DSCAML1: variants seen among roughly 807,000 people sequenced by gnomAD.
The protein encoded by DSCAML1 is DS cell adhesion molecule like 1.
In DSCAML1, 38 loss-of-function variants were observed where a neutral mutation model predicts 200.5. That is an observed-to-expected ratio of 0.19 (90% CI 0.15 to 0.25). DSCAML1 has a LOEUF of 0.25. Among genes scored for constraint, DSCAML1 ranks in the 10% least tolerant of loss-of-function variants. DSCAML1 has a pLI of 1.00. For missense variants in DSCAML1, 2,223 were observed against 2,858.8 expected (o/e 0.78, Z 5.07); for synonymous variants, 1,215 against 1,165.0 (o/e 1.04, Z -0.87).
chr11:117,622,048 T>C (rs185608692), intron 3 of DSCAML1, among the ~76,000 whole-genome samples: 133 of 152,354 alleles, frequency 8.7e-4, no homozygotes, highest in African/African-American at 3.0e-3. Flanking sequence ...AGTCCATGTT[T>C]GCTGGATGAA....
intron 3 of DSCAML1, among the ~76,000 whole-genome samples, chr11:117,656,273 C>A (rs1230113335): frequency 6.6e-6 from 1 of 152,214 alleles, no homozygotes; most frequent in Non-Finnish European, 1.5e-5. Context: ...AGCACCGGAT[C>A]TGGAGTCAGA....
chr11:117,451,172 TG>T lies in DSCAML1; in HGVS notation c.3569-485del, dbSNP rs201479130. Among the ~76,000 whole-genome samples the T allele has an allele frequency of 1.4e-3, 212 of 152,346 alleles. 4 individuals are homozygous for T. The East Asian group carries it at 0.039, about 28-fold the overall frequency. ...AGGGCATTGCCCTTGGAGTGCTGGC[TG>T]GGCCCTTTCTGGAAGAAAGTCTACC... On this transcript the variant is annotated intron_variant, in intron 19 of 32. Coordinates refer to ENST00000651296, the MANE Select transcript of DSCAML1 (RefSeq NM_020693.4).
chr11:117,661,435 C>T (rs1449715228), intron 3 of DSCAML1, among the ~76,000 whole-genome samples: 2 of 152,242 alleles, frequency 1.3e-5, no homozygotes, highest in African/African-American at 2.4e-5. Context: ...GTTTTGCATT[C>T]ACTCTACTCA....
chr11:117,439,051 C>A, intron 23 of DSCAML1, 68 bp from the exon 24 acceptor site: 1 of 1,466,480 alleles, frequency 6.8e-7, no homozygotes, highest in Admixed American at 2.3e-5. Flanking sequence ...GGGAGTCCCC[C>A]CGTGACGGGA....
At chr11:117,494,761 C>T (rs1051450163) in intron 11 of DSCAML1, among the ~76,000 whole-genome samples, 21 of 152,180 alleles carry the variant, frequency 1.4e-4, no homozygotes, top group African/African-American at 3.4e-4. Flanking sequence ...CCTCATAAGA[C>T]GAGAAGAGAC....
chr11:117,623,305 ATCTCAGGTTCAAGTGAT>A (rs2051977517), intron 3 of DSCAML1, among the ~76,000 whole-genome samples: 1 of 144,104 alleles, frequency 6.9e-6, no homozygotes, highest in Non-Finnish European at 1.5e-5. Flanking sequence ...CAACCTCCAC[ATCTCAGGTTCAAGTGAT>A]TCTCCTGTCT....
intron 3 of DSCAML1, among the ~76,000 whole-genome samples, chr11:117,730,000 A>G (rs1245263543): frequency 6.6e-6 from 1 of 152,232 alleles, no homozygotes; most frequent in Non-Finnish European, 1.5e-5. Context: ...AGAGATTGAG[A>G]CCATCCTGGC....
chr11:117,726,378 T>G (rs1040274740), intron 3 of DSCAML1, among the ~76,000 whole-genome samples: 4 of 152,028 alleles, frequency 2.6e-5, no homozygotes, highest in Non-Finnish European at 4.4e-5. Context: ...GACATCACCT[T>G]GGGGCAATTT....
chr11:117,494,159 T>C (rs111252031), intron 11 of DSCAML1, among the ~76,000 whole-genome samples: 86 of 152,320 alleles, frequency 5.6e-4, no homozygotes, highest in African/African-American at 2.0e-3. Context: ...CAGAAGGAGA[T>C]GCCATCTTCC....
At chr11:117,736,911 T>C (rs1042594698) in intron 3 of DSCAML1, among the ~76,000 whole-genome samples, 1 of 152,206 alleles carries the variant, frequency 6.6e-6, no homozygotes, top group African/African-American at 2.4e-5. Flanking sequence ...TTCTTTCTCA[T>C]CCTTCGGCTC....
intron 2 of DSCAML1, among the ~76,000 whole-genome samples, chr11:117,778,301 G>C (rs780103719): frequency 6.6e-5 from 10 of 152,228 alleles, no homozygotes; most frequent in Non-Finnish European, 1.0e-4. Context: ...ATATGGGAGA[G>C]CACAGAGGAG....
At chr11:117,764,940 C>T (rs1157335790) in intron 3 of DSCAML1, among the ~76,000 whole-genome samples, 1 of 152,192 alleles carries the variant, frequency 6.6e-6, no homozygotes, top group Non-Finnish European at 1.5e-5. Flanking sequence ...CCCCAGACTC[C>T]ACCCACATGC....
At chr11:117,447,366 T>C (rs2048200963) in intron 20 of DSCAML1, among the ~76,000 whole-genome samples, 2 of 152,128 alleles carry the variant, frequency 1.3e-5, no homozygotes, top group Admixed American at 1.3e-4. Flanking sequence ...AAAAAGCAGA[T>C]TGCATTACGT....
chr11:117,442,233 T>C (rs57176652), intron 21 of DSCAML1, among the ~76,000 whole-genome samples: 30,785 of 150,570 alleles, frequency 0.2, 4,292 homozygotes, highest in East Asian at 0.59. Flanking sequence ...AGTGTGTGTG[T>C]GCGTGTGTAT....
intron 3 of DSCAML1, among the ~76,000 whole-genome samples, chr11:117,680,282 C>T (rs935431287): frequency 6.6e-6 from 1 of 152,214 alleles, no homozygotes; most frequent in African/African-American, 2.4e-5. Context: ...AAGCAGAACC[C>T]ATGCCTTCCA....
intron 3 of DSCAML1, among the ~76,000 whole-genome samples, chr11:117,703,108 A>T (rs1033595711): frequency 9.2e-5 from 14 of 152,318 alleles, no homozygotes; most frequent in African/African-American, 3.4e-4. Context: ...CCAGTGGTGA[A>T]CGTGTGAGCA....
intron 3 of DSCAML1, among the ~76,000 whole-genome samples, chr11:117,554,011 T>G (rs2050513894): frequency 6.6e-6 from 1 of 152,252 alleles, no homozygotes; most frequent in South Asian, 2.1e-4. Context: ...ACAACATGGA[T>G]GAACTTTGAG....
In DSCAML1 at chr11:117,490,597, C is replaced by T. The variant is rs1394100526; in HGVS notation, c.2360-8435G>A. 2.0e-5 allele frequency among the ~76,000 whole-genome samples: 3 copies of T among 152,358 alleles called. No homozygotes were observed. The East Asian group carries it at 5.8e-4, about 29-fold the overall frequency. ...TACAAAGCAGTGCTGCATCCTTTGC[C>T]TCCAGCTTCATTCTTACTAAGGAGG... On this transcript the variant is annotated intron_variant, in intron 11 of 32. Coordinates refer to ENST00000651296, the MANE Select transcript of DSCAML1 (RefSeq NM_020693.4).
intron 3 of DSCAML1, among the ~76,000 whole-genome samples, chr11:117,739,753 A>T (rs2137837152): frequency 6.6e-6 from 1 of 152,292 alleles, no homozygotes. Context: ...AACCAGGATG[A>T]GTTGATCACC....
Sources: gnomAD v4.1 joint callset for allele counts (sites outside exome capture counted in the v4.1 genomes callset) on GRCh38, gnomAD v4.1.1 for gene constraint, MANE v1.5 for transcripts, NCBI Gene and HGNC (gene_info 2026-07-23, HGNC 2026-07-21) for gene names.